The following LRRC37A variants were observed in gnomAD, a reference collection of about 807,000 sequenced individuals.
LRRC37A encodes leucine rich repeat containing 37A.
LRRC37A carries 3 observed loss-of-function variants against 35.4 expected under a neutral mutation model. The observed-to-expected ratio is 0.08, with a 90% CI of 0.04 to 0.22. LRRC37A has a LOEUF of 0.22. Ranked by LOEUF, LRRC37A falls within the 10% of genes least tolerant of loss-of-function variation. The probability of loss-of-function intolerance (pLI) is 1.00; values close to 1 mark genes in which losing one functional copy is unlikely to be tolerated. For missense variants in LRRC37A, 67 were observed against 565.3 expected (o/e 0.12, Z 8.94); for synonymous variants, 23 against 215.0 (o/e 0.11, Z 7.81).
the LRRC37A span, among the ~76,000 whole-genome samples, chr17:46,278,500 G>A: frequency 1.3e-5 from 2 of 151,596 alleles, no homozygotes; most frequent in Admixed American, 6.6e-5. Flanking sequence ...CACCTCCTGG[G>A]TTCAAGCGAT....
chr17:46,252,347 G>A, the LRRC37A span, among the ~76,000 whole-genome samples: 1 of 145,458 alleles, frequency 6.9e-6, no homozygotes, highest in African/African-American at 2.5e-5. Flanking sequence ...TGGAAATACA[G>A]GCGCGTGCCA....
chr17:46,252,554 G>C, the LRRC37A span, among the ~76,000 whole-genome samples: 2 of 149,006 alleles, frequency 1.3e-5, no homozygotes, highest in Admixed American at 1.4e-4. Context: ...GGGTACTTGA[G>C]ATTAGGGAGT....
the LRRC37A span, among the ~76,000 whole-genome samples, chr17:46,262,866 G>A: frequency 1.3e-5 from 2 of 152,136 alleles, no homozygotes; most frequent in South Asian, 4.1e-4. Flanking sequence ...CAGAATTGAT[G>A]GCACTGAAAA....
At chr17:46,260,618 C>CTATT in the LRRC37A span, 5 of 1,181,912 alleles carry the variant, frequency 4.2e-6, no homozygotes, top group Non-Finnish European at 4.5e-6. Flanking sequence ...GCTCTCTATT[C>CTATT]TCTTTTTTTT....
the LRRC37A span, among the ~76,000 whole-genome samples, chr17:46,251,246 G>A: frequency 5.3e-5 from 8 of 151,762 alleles, no homozygotes; most frequent in South Asian, 2.1e-4. Flanking sequence ...GGTCAAGGAC[G>A]CTGCTTAACA....
chr17:46,274,807 T>A, the LRRC37A span: 3 of 152,446 alleles, frequency 2.0e-5, no homozygotes, highest in East Asian at 1.9e-4. Context: ...ATAAACAAAA[T>A]TTTCTCGCTT....
the LRRC37A span, chr17:46,260,231 C>G: frequency 0.063 from 89,229 of 1,406,526 alleles, 11,487 homozygotes; most frequent in East Asian, 0.3. Flanking sequence ...CTGCGGCACA[C>G]GAGCAGCGGG....
At chr17:46,259,590 C>G in the LRRC37A span, 1 of 1,612,360 alleles carries the variant, frequency 6.2e-7, no homozygotes, top group Non-Finnish European at 8.5e-7. Flanking sequence ...CAGCAGACCA[C>G]AGGAGGTTGG....
rs1475761328 is a variant in LRRC37A, at chr17:46,336,094, TGAGA to T, written c.4859+506_4859+509del. ...AAGGGGAAGGGAAGGCCACCGGGTGTGAGAGAGAGGGCACTTGTCTCCTTCAAGG... is the reference window on the plus strand; with the variant it reads ...AAGGGGAAGGGAAGGCCACCGGGTGTGAGAGGGCACTTGTCTCCTTCAAGG... On this transcript the variant is annotated intron_variant, in intron 11 of 13. Transcript: ENST00000320254. Among the ~76,000 whole-genome samples, 137 of 15,704 alleles carry T rather than the reference TGAGA, an allele frequency of 8.7e-3. 2 individuals carry two copies. Among genetic ancestry groups the T allele is most frequent in the African/African-American group, 9.1e-3 (130 of 14,216 alleles). The allele number at this position is 15,704 out of a possible 152,430, so 10.3% of individuals were successfully genotyped here.
chr17:46,262,378 TCTTC>T, the LRRC37A span, among the ~76,000 whole-genome samples: 1 of 151,946 alleles, frequency 6.6e-6, no homozygotes. Context: ...TTCTTCTTCT[TCTTC>T]TTTTTTAATT....
the LRRC37A span, among the ~76,000 whole-genome samples, chr17:46,257,219 G>A: frequency 5.3e-5 from 8 of 151,618 alleles, no homozygotes; most frequent in Non-Finnish European, 2.9e-5. Flanking sequence ...GGCCGAGGAG[G>A]GTGGATCACC....
At chr17:46,285,015 C>T in the LRRC37A span, among the ~76,000 whole-genome samples, 1 of 152,138 alleles carries the variant, frequency 6.6e-6, no homozygotes, top group Non-Finnish European at 1.5e-5. Context: ...AAGTGTGTGC[C>T]AACATGCCCA....
At chr17:46,293,072 G>A (rs1408347261), upstream of LRRC37A, 1 of 48,194 alleles carries the variant, frequency 2.1e-5, no homozygotes, top group East Asian at 3.4e-4. Context: ...TCCTACCTCA[G>A]CCTCCTGAGT....
chr17:46,278,691 C>T, the LRRC37A span, among the ~76,000 whole-genome samples: 719 of 152,150 alleles, frequency 4.7e-3, 4 homozygotes, highest in Middle Eastern at 0.027. Context: ...TGTGGGCCAC[C>T]GCACCTGGCT....
chr17:46,250,344 T>C, the LRRC37A span, among the ~76,000 whole-genome samples: 8,625 of 133,880 alleles, frequency 0.064, no homozygotes, highest in Middle Eastern at 0.12. Flanking sequence ...TAATACTGAG[T>C]GCCAACTTGA....
intron 5 of LRRC37A, among the ~76,000 whole-genome samples, chr17:46,311,486 A>G (rs2050795949): frequency 1.2e-5 from 1 of 86,050 alleles, no homozygotes; most frequent in Non-Finnish European, 2.9e-5. Flanking sequence ...TTTCAGCTAG[A>G]GCTGTTAGGA....
the LRRC37A span, among the ~76,000 whole-genome samples, chr17:46,284,005 G>A: frequency 0.1 from 15,187 of 149,496 alleles, 801 homozygotes; most frequent in East Asian, 0.27. Flanking sequence ...GCCCTAAGGC[G>A]GTTTTTCCCT....
At chr17:46,290,643 C>A (rs1245934842), upstream of LRRC37A, among the ~76,000 whole-genome samples, 3 of 151,706 alleles carry the variant, frequency 2.0e-5, no homozygotes, top group Non-Finnish European at 2.9e-5. Context: ...GACGGGGTTT[C>A]GCCCTGTTAG....
chr17:46,283,730 G>A, the LRRC37A span, among the ~76,000 whole-genome samples: 320 of 125,904 alleles, frequency 2.5e-3, no homozygotes, highest in Admixed American at 4.9e-3. Flanking sequence ...GGGGGCCCAG[G>A]GTACCTGCGT....
Sources: gnomAD v4.1 joint callset for allele counts (sites outside exome capture counted in the v4.1 genomes callset) on GRCh38, gnomAD v4.1.1 for gene constraint, MANE v1.5 for transcripts, NCBI Gene and HGNC (gene_info 2026-07-23, HGNC 2026-07-21) for gene names.